Variants in RALGAPA2 observed in about 807,000 individuals in gnomAD.
The protein encoded by RALGAPA2 is Ral GTPase activating protein catalytic subunit alpha 2.
In RALGAPA2, 139 loss-of-function variants were observed where a neutral mutation model predicts 230.4. That is an observed-to-expected ratio of 0.60 (90% CI 0.53 to 0.69). The LOEUF (loss-of-function observed/expected upper bound fraction) is 0.69. Among genes scored for constraint, RALGAPA2 ranks in the 30% least tolerant of loss-of-function variants. The pLI is 0.00. For missense variants in RALGAPA2, 2,163 were observed against 2,276.0 expected (o/e 0.95, Z 1.01); for synonymous variants, 847 against 837.8 (o/e 1.01, Z -0.19).
intron 1 of RALGAPA2, among the ~76,000 whole-genome samples, chr20:20,700,963 C>G (rs754370377): frequency 4.6e-5 from 7 of 152,212 alleles, no homozygotes; most frequent in Non-Finnish European, 8.8e-5. Flanking sequence ...AGACTTAGAT[C>G]TAGCTATTCT....
chr20:20,616,650 A>C (rs2066151109), intron 12 of RALGAPA2, among the ~76,000 whole-genome samples: 1 of 152,240 alleles, frequency 6.6e-6, no homozygotes, highest in Non-Finnish European at 1.5e-5. Context: ...GTCTCCCAGC[A>C]CATGAACTCC....
chr20:20,570,645 T>A (rs1253130794), intron 23 of RALGAPA2, among the ~76,000 whole-genome samples: 7 of 152,214 alleles, frequency 4.6e-5, no homozygotes, highest in African/African-American at 9.6e-5. Context: ...ATCATTTTTT[T>A]AAAATCTGTA....
intron 35 of RALGAPA2, among the ~76,000 whole-genome samples, chr20:20,497,399 G>A (rs2062239663): frequency 6.6e-6 from 1 of 152,152 alleles, no homozygotes; most frequent in East Asian, 1.9e-4. Context: ...GTAATTGTGA[G>A]AACTGGGGCT....
intron 37 of RALGAPA2, among the ~76,000 whole-genome samples, chr20:20,425,278 C>A (rs1239797938): frequency 6.6e-6 from 1 of 152,184 alleles, no homozygotes; most frequent in Non-Finnish European, 1.5e-5. Context: ...AGGCACGACA[C>A]AACTGAATTT....
chr20:20,396,427 C>A (rs1281134960), intron 39 of RALGAPA2, among the ~76,000 whole-genome samples: 1 of 152,274 alleles, frequency 6.6e-6, no homozygotes, highest in Non-Finnish European at 1.5e-5. Flanking sequence ...CACAAAAGGG[C>A]AGGCGACAAA....
At chr20:20,553,628 T>C (rs995028716) in intron 23 of RALGAPA2, among the ~76,000 whole-genome samples, 1 of 152,158 alleles carries the variant, frequency 6.6e-6, no homozygotes, top group Non-Finnish European at 1.5e-5. Flanking sequence ...AGACACTGAA[T>C]GTCCTTGACA....
At position 20,536,871 on chromosome 20, in the gene RALGAPA2, G is replaced by A. The variant is rs1161361754; in HGVS notation, c.3286-87C>T. Reference sequence around the variant, plus strand: ...GTGACATGTTTTACTCTTCATCCTAGATAAAAAATACCAAACTTGGCCGAG... The same window carrying A: ...GTGACATGTTTTACTCTTCATCCTAAATAAAAAATACCAAACTTGGCCGAG... On this transcript the variant is annotated intron_variant, in intron 24 of 39. Coordinates refer to ENST00000202677, the MANE Select transcript of RALGAPA2 (RefSeq NM_020343.4). 2.2e-6 allele frequency: 3 copies of A among 1,387,308 alleles called. No individual in the cohort carries two copies. The African/African-American group carries it at 4.4e-5, about 20-fold the overall frequency. The allele number at this position is 1,387,308 out of a possible 1,614,324, so 85.9% of individuals were successfully genotyped here. A position where few individuals can be genotyped will look rare whatever the true frequency, so the allele number is the denominator to read the frequency against.
At chr20:20,522,829 GA>G (rs1375334089) in intron 30 of RALGAPA2, among the ~76,000 whole-genome samples, 2 of 152,182 alleles carry the variant, frequency 1.3e-5, no homozygotes, top group Non-Finnish European at 2.9e-5. Flanking sequence ...AAATCTTTAA[GA>G]AAAGAAAGAA....
chr20:20,566,512 A>C (rs1328941339), intron 23 of RALGAPA2, among the ~76,000 whole-genome samples: 1 of 152,192 alleles, frequency 6.6e-6, no homozygotes, highest in Non-Finnish European at 1.5e-5. Context: ...GAGAAAGAAA[A>C]AAAATCAACA....
chr20:20,401,268 T>G (rs1253422170), intron 38 of RALGAPA2, among the ~76,000 whole-genome samples: 1 of 152,042 alleles, frequency 6.6e-6, no homozygotes, highest in East Asian at 1.9e-4. Context: ...ATTCCAAAAG[T>G]GACACAACAG....
intron 36 of RALGAPA2, among the ~76,000 whole-genome samples, chr20:20,478,472 A>G (rs2061698796): frequency 6.6e-6 from 1 of 152,078 alleles, no homozygotes; most frequent in Non-Finnish European, 1.5e-5. Flanking sequence ...ACCAAGATCG[A>G]CAGTTAGTTC....
chr20:20,627,169 G>C (rs1414319992), intron 10 of RALGAPA2, among the ~76,000 whole-genome samples: 1 of 152,132 alleles, frequency 6.6e-6, no homozygotes, highest in Non-Finnish European at 1.5e-5. Flanking sequence ...TCCAAGGAGA[G>C]GGCTGCTAAC....
intron 18 of RALGAPA2, 51 bp from the exon 19 acceptor site, chr20:20,585,006 A>G (rs377124682): frequency 3.4e-5 from 44 of 1,298,528 alleles, no homozygotes; most frequent in Non-Finnish European, 4.8e-5. Context: ...TTTCATTGTT[A>G]TAAGACTTAA....
At chr20:20,605,863 T>C in intron 14 of RALGAPA2, among the ~76,000 whole-genome samples, 1 of 152,092 alleles carries the variant, frequency 6.6e-6, no homozygotes, top group East Asian at 1.9e-4. Context: ...GAGACTCCCC[T>C]CAACCTCTGC....
At chr20:20,424,078 T>C (rs934790518) in intron 37 of RALGAPA2, among the ~76,000 whole-genome samples, 50 of 152,194 alleles carry the variant, frequency 3.3e-4, no homozygotes, top group Admixed American at 3.2e-3. Context: ...GAGCTGAAGG[T>C]CTCCCTCCTA....
intron 3 of RALGAPA2, among the ~76,000 whole-genome samples, chr20:20,659,139 A>G (rs1373579662): frequency 1.3e-5 from 2 of 152,208 alleles, no homozygotes; most frequent in Non-Finnish European, 2.9e-5. Context: ...AATATGCAGA[A>G]AACTTATGAT....
At chr20:20,471,186 G>A (rs1161878167) in intron 37 of RALGAPA2, 1 of 152,088 alleles carries the variant, frequency 6.6e-6, no homozygotes, top group Non-Finnish European at 1.5e-5. Flanking sequence ...TGCTTGAAAA[G>A]TTTTCAAAGT....
In RALGAPA2 at chr20:20,695,142, A is replaced by G. The variant is rs543406657; in HGVS notation, c.107-14341T>C. Reference sequence around the variant, plus strand: ...AATCTTAAGACCCAAACAATATATAAAAGAGTATCTTTACCAATTCTAAAA... The same window carrying G: ...AATCTTAAGACCCAAACAATATATAGAAGAGTATCTTTACCAATTCTAAAA... On this transcript the variant is annotated intron_variant, in intron 1 of 39. Transcript: ENST00000202677. Among the ~76,000 whole-genome samples the G allele has an allele frequency of 2.1e-3, 325 of 152,326 alleles. 2 individuals are homozygous for G. The highest frequency in any genetic ancestry group is 3.8e-3 in the Admixed American group (58 of 15,302).
At chr20:20,568,743 G>A (rs1230256429) in intron 23 of RALGAPA2, among the ~76,000 whole-genome samples, 1 of 152,142 alleles carries the variant, frequency 6.6e-6, no homozygotes, top group African/African-American at 2.4e-5. Flanking sequence ...AAAGCATAAT[G>A]TTCAAAGGCC....
Sources: gnomAD v4.1 joint callset for allele counts (sites outside exome capture counted in the v4.1 genomes callset) on GRCh38, gnomAD v4.1.1 for gene constraint, MANE v1.5 for transcripts, NCBI Gene and HGNC (gene_info 2026-07-23, HGNC 2026-07-21) for gene names.